HMMR: variants seen among roughly 807,000 people sequenced by gnomAD.
HMMR encodes intracellular hyaluronic acid-binding protein.
In HMMR, 108 loss-of-function variants were observed where a neutral mutation model predicts 101.0. The ratio of observed to expected loss-of-function variants is 1.07; its 90% CI spans 0.92 to 1.25. HMMR has a LOEUF of 1.25. Among genes scored for constraint, HMMR ranks in the 50% most tolerant of loss-of-function variants. HMMR has a pLI of 0.00. For missense variants in HMMR, 813 were observed against 788.7 expected (o/e 1.03, Z -0.37); for synonymous variants, 296 against 276.4 (o/e 1.07, Z -0.70).
Position 163,469,623 on chromosome 5 carries a change from C to T in HMMR, c.274-18C>T, listed in dbSNP as rs1758809458. 1 of 1,596,394 alleles carries T rather than the reference C, an allele frequency of 6.3e-7. No homozygotes were observed. The highest frequency in any genetic ancestry group is 1.4e-5 in the African/African-American group (1 of 73,926). The stretch of plus-strand genomic sequence containing the variant: ...ATTCTATCAGTGAATCATTTATTAT[C>T]ACCTTGTTTTTGTCCAGATTCGTGT... On this transcript the variant is annotated intron_variant, in intron 4 of 17. Transcript: ENST00000393915.
chr5:163,490,600 C>T (rs1375147103), intron 17 of HMMR, 48 bp downstream of exon 17: 2 of 1,394,578 alleles, frequency 1.4e-6, no homozygotes, highest in East Asian at 4.6e-5. Flanking sequence ...TTTGGATTTG[C>T]TTTTATAGCA....
rs566420598 is a variant in HMMR, at chr5:163,482,635, T to A, written c.1386-7T>A. The A allele has an allele frequency of 4.0e-5, 63 of 1,589,936 alleles. No individual in the cohort carries two copies. In the Admixed American group the frequency reaches 7.7e-4, roughly 19 times the overall value. Reference sequence around the variant, plus strand: ...AACTACTTTGACTTTTTTTTCTTTTTAATAAGCTATAAAGCGTTAACAGCC... The same window carrying A: ...AACTACTTTGACTTTTTTTTCTTTTAAATAAGCTATAAAGCGTTAACAGCC... On this transcript the variant is annotated splice_region_variant and splice_polypyrimidine_tract_variant and intron_variant, in intron 12 of 17. Coordinates refer to ENST00000393915, the MANE Select transcript of HMMR (RefSeq NM_001142556.2).
In HMMR at chr5:163,460,657, G is replaced by A. The variant is rs1223014158; in HGVS notation, c.-36G>A. Reference sequence around the variant, plus strand: ...AATCCGCATTCAGTTGTCGAGGAGTGCCAGTCACCTTCAGTTTCTGGAGCT... The same window carrying A: ...AATCCGCATTCAGTTGTCGAGGAGTACCAGTCACCTTCAGTTTCTGGAGCT... On this transcript the variant is annotated 5_prime_UTR_variant, in exon 1 of 18. Transcript: ENST00000393915. 1 of 1,584,398 alleles carries A rather than the reference G, an allele frequency of 6.3e-7. No homozygotes were observed. The highest frequency in any genetic ancestry group is 2.3e-5 in the East Asian group (1 of 44,092).
Position 163,484,184 on chromosome 5 carries a change from A to G in HMMR, c.1901A>G (p.Asn634Ser), listed in dbSNP as rs1242054444. 6.2e-7 allele frequency: 1 copy of G among 1,606,978 alleles called. No individual in the cohort carries two copies. Among genetic ancestry groups the G allele is most frequent in the Admixed American group, 1.7e-5 (1 of 58,978 alleles). Residue 634 changes from asparagine to serine, a missense_variant, in exon 16 of 18, where the codon AAT becomes AGT. By Grantham distance (46) the Asn-to-Ser change is conservative (BLOSUM62 1). Transcript: ENST00000393915. ...TATGCTAAATTATTGGGTCATCAGA[A>G]TTTGAAACAAAAAATCAAGCATGTT... is the stretch of plus-strand genomic sequence containing the variant. ...DSYAKLLGHQ[N>S]LKQKIKHVVK...
At chr5:163,469,991 A>C (rs1180868736) in intron 5 of HMMR, 162 bp downstream of exon 5, 4 of 486,410 alleles carry the variant, frequency 8.2e-6, no homozygotes, top group African/African-American at 8.0e-5. Flanking sequence ...AACATGGAGA[A>C]ACCCTGTCTC....
chr5:163,474,151 T>C lies in HMMR; in HGVS notation c.999T>C (p.Arg333=). ...KQKFILEQQE[R]EKLQQKELQI... ...AGTTTATTCTTGAACAACAGGAACG[T>C]GAAAAGCTTCAACAAAAAGAATTAC... Residue 333 remains arginine, a synonymous_variant, in exon 10 of 18, where the codon CGT becomes CGC. Transcript: ENST00000393915. The C allele has an allele frequency of 6.2e-7, 1 of 1,610,608 alleles. No homozygotes were observed. Among genetic ancestry groups the C allele is most frequent in the East Asian group, 2.2e-5 (1 of 44,716 alleles).
rs756907180 is a variant in HMMR, at chr5:163,469,668, G to A, written c.301G>A (p.Ala101Thr). Reference protein sequence around the residue: ...EIRVLLQERGAQDRRIQDLET... With the variant: ...EIRVLLQERGTQDRRIQDLET... ...TCGTGTTCTTCTACAGGAACGTGGT[G>A]CCCAGGACAGGCGGATCCAGGATCT... Residue 101 changes from alanine to threonine, a missense_variant, in exon 5 of 18, where the codon GCC (alanine) becomes ACC (threonine). Ala to Thr is a moderately conservative substitution (Grantham distance 58). Transcript: ENST00000393915. 17 of 1,613,830 alleles carry A rather than the reference G, an allele frequency of 1.1e-5. No individual in the cohort carries two copies. Among genetic ancestry groups the A allele is most frequent in the Non-Finnish European group, 1.4e-5 (17 of 1,179,902 alleles).
intron 3 of HMMR, among the ~76,000 whole-genome samples, chr5:163,467,192 G>T (rs1364119388): frequency 2.0e-5 from 3 of 152,172 alleles, no homozygotes; most frequent in African/African-American, 7.2e-5. Context: ...CAGAAAGTCT[G>T]TTGGATATAA....
In HMMR at chr5:163,461,626, C is replaced by CA. The variant is rs56938032; in HGVS notation, c.46+896dup. Among the ~76,000 whole-genome samples, 114 of 151,452 alleles carry CA rather than the reference C, an allele frequency of 7.5e-4. No homozygotes were observed. In the East Asian group the frequency reaches 0.018, roughly 25 times the overall value. On this transcript the variant is annotated intron_variant, in intron 1 of 17. Coordinates refer to ENST00000393915, the MANE Select transcript of HMMR (RefSeq NM_001142556.2). ...TGAAACCCCGTCTGTACTAAAAATA[C>CA]AAAAAAAATTAGCCAGGCGCGGTGG...
chr5:163,460,840 G>C, intron 1 of HMMR, 102 bp downstream of exon 1: 2 of 943,690 alleles, frequency 2.1e-6, no homozygotes, highest in South Asian at 2.8e-5. Flanking sequence ...TTTTAGGGTC[G>C]GGCTGGGGCT....
chr5:163,464,610 AAAAAAC>A (rs1758641101), intron 2 of HMMR, 107 bp from the exon 3 acceptor site: 1 of 747,500 alleles, frequency 1.3e-6, no homozygotes, highest in Non-Finnish European at 2.3e-6. Context: ...AGACTGTCTC[AAAAAAC>A]AAAAACAAAC....
intron 16 of HMMR, among the ~76,000 whole-genome samples, chr5:163,485,557 A>T (rs1392604477): frequency 6.6e-6 from 1 of 152,164 alleles, no homozygotes; most frequent in Non-Finnish European, 1.5e-5. Context: ...ATTCTTCATC[A>T]ATTCTGGACA....
At position 163,471,186 on chromosome 5, in the gene HMMR, T is replaced by C. The variant is rs1269164180; in HGVS notation, c.464T>C (p.Phe155Ser). 1 of 1,587,060 alleles carries C rather than the reference T, an allele frequency of 6.3e-7. No homozygotes were observed. The highest frequency in any genetic ancestry group is 8.6e-7 in the Non-Finnish European group (1 of 1,156,112). ...TTTTTACGTGTTTGTTGTATTTAGT[T>C]TTCTGAAAATGGTAACCAGAAGAAT... ...TRTNELLKSK[F>S]SENGNQKNLR... Residue 155 changes from phenylalanine (F) to serine (S), a missense_variant and splice_region_variant, in exon 6 of 18, where the codon TTT becomes TCT. Coordinates refer to ENST00000393915, the MANE Select transcript of HMMR (RefSeq NM_001142556.2).
rs1255187628 is a variant in HMMR, at chr5:163,475,508, G to T, written c.1104G>T (p.Met368Ile). The T allele has an allele frequency of 1.9e-6, 3 of 1,609,316 alleles. No individual in the cohort carries two copies. The African/African-American group carries it at 4.0e-5, about 22-fold the overall frequency. Residue 368 changes from methionine (M) to isoleucine (I), a missense_variant, in exon 11 of 18, where the codon ATG (methionine) becomes ATT (isoleucine). Transcript: ENST00000393915. ...HQKLCSFQEE[M>I]VKEKNLFEEE... Reference sequence around the variant, plus strand: ...AGCTCTGTTCTTTTCAAGAGGAAATGGTTAAAGAGAAGAATCTGTTTGAGG... The same window carrying T: ...AGCTCTGTTCTTTTCAAGAGGAAATTGTTAAAGAGAAGAATCTGTTTGAGG...
At chr5:163,474,688 C>G in intron 10 of HMMR, 1 of 395,920 alleles carries the variant, frequency 2.5e-6, no homozygotes. Flanking sequence ...TTAGTAGTAA[C>G]CAAGGAAGTA....
chr5:163,464,609 CA>C (rs1191907434), intron 2 of HMMR, 113 bp from the exon 3 acceptor site: 8 of 736,044 alleles, frequency 1.1e-5, no homozygotes, highest in African/African-American at 1.1e-4. Flanking sequence ...GAGACTGTCT[CA>C]AAAAACAAAA....
chr5:163,468,801 TC>T (rs35899906), intron 4 of HMMR, among the ~76,000 whole-genome samples: 13,284 of 151,970 alleles, frequency 0.087, 774 homozygotes, highest in African/African-American at 0.18. Flanking sequence ...GGTGGCAGGT[TC>T]CCCCCCATTA....
chr5:163,460,800 C>T (rs1758496930), intron 1 of HMMR, 62 bp downstream of exon 1: 2 of 1,486,942 alleles, frequency 1.3e-6, no homozygotes, highest in South Asian at 2.4e-5. Flanking sequence ...CCTCTTTCAG[C>T]TCCCTTCTTG....
intron 3 of HMMR, among the ~76,000 whole-genome samples, chr5:163,466,370 G>A (rs929482047): frequency 6.6e-6 from 1 of 152,216 alleles, no homozygotes; most frequent in Admixed American, 6.5e-5. Flanking sequence ...TCATTTGGCA[G>A]TTGCCTAAGC....
Sources: gnomAD v4.1 joint callset for allele counts (sites outside exome capture counted in the v4.1 genomes callset) on GRCh38, gnomAD v4.1.1 for gene constraint, MANE v1.5 for transcripts, NCBI Gene and HGNC (gene_info 2026-07-23, HGNC 2026-07-21) for gene names.